Variants in XDH observed in about 807,000 individuals in gnomAD.
XDH encodes the protein xanthine dehydrogenase/oxidase.
A neutral mutation model predicts 156.1 loss-of-function variants in XDH; 138 were observed. The observed-to-expected ratio is 0.88, with a 90% CI of 0.77 to 1.02. The LOEUF is 1.02. Ranked by LOEUF, XDH falls within the 50% of genes least tolerant of loss-of-function variation. The pLI is 0.00. For synonymous variants in XDH, 669 were observed against 625.7 expected (o/e 1.07, Z -1.03); for missense variants, 1,849 against 1,684.9 (o/e 1.10, Z -1.71).
chr2:31,369,754 C>A (rs1384475510), intron 18 of XDH, among the ~76,000 whole-genome samples: 1 of 152,186 alleles, frequency 6.6e-6, no homozygotes, highest in African/African-American at 2.4e-5. Context: ...TTGTTATCTC[C>A]TTCACTTTTA....
At chr2:31,340,701 C>A (rs1362086298) in intron 33 of XDH, among the ~76,000 whole-genome samples, 1 of 152,180 alleles carries the variant, frequency 6.6e-6, no homozygotes. Context: ...AACTCCTGAT[C>A]TCAGGTGATC....
At chr2:31,373,802 T>C in intron 16 of XDH, 71 bp downstream of exon 16, 1 of 1,494,542 alleles carries the variant, frequency 6.7e-7, no homozygotes, top group Non-Finnish European at 9.3e-7. Flanking sequence ...CATTAGCCGA[T>C]GGTCAGCCAC....
intron 18 of XDH, among the ~76,000 whole-genome samples, chr2:31,369,505 A>G (rs568440732): frequency 3.3e-5 from 5 of 152,258 alleles, no homozygotes; most frequent in African/African-American, 1.2e-4. Context: ...GGAACCAACA[A>G]TTAGTATGCA....
chr2:31,381,514 A>C, intron 12 of XDH, 119 bp downstream of exon 12: 1 of 1,010,096 alleles, frequency 9.9e-7, no homozygotes, highest in African/African-American at 1.6e-5. Context: ...CCTGGATCCA[A>C]ATCACAGGGA....
chr2:31,341,378 A>G lies in XDH; in HGVS notation c.3536T>C (p.Ile1179Thr), dbSNP rs139515054. 4,974 of 1,579,390 alleles carry G rather than the reference A, an allele frequency of 3.1e-3. 7 individuals are homozygous for G. Among genetic ancestry groups the G allele is most frequent in the Non-Finnish European group, 3.9e-3 (4,488 of 1,159,768 alleles). ...TGDHKNLRTD[I>T]VMDVGSSLNP... ...TAGACTGGAGCCAACATCCATGACA[A>G]TATCTGTGCGGAGGTTCTAGAGTAG... The change falls in exon 33 of 36, where the codon ATT becomes ACT. Residue 1179 changes from isoleucine (I) to threonine (T), a missense_variant. Transcript: ENST00000379416.
intron 9 of XDH, among the ~76,000 whole-genome samples, chr2:31,384,871 T>A (rs1261032373): frequency 6.6e-6 from 1 of 152,230 alleles, no homozygotes; most frequent in African/African-American, 2.4e-5. Flanking sequence ...GTTTTCTCTT[T>A]GTCTGCCTTC....
intron 24 of XDH, among the ~76,000 whole-genome samples, chr2:31,352,551 A>G (rs1244659578): frequency 6.6e-6 from 1 of 152,140 alleles, no homozygotes; most frequent in African/African-American, 2.4e-5. Context: ...TTCCCCTGCC[A>G]TATTGTGAAT....
At position 31,347,527 on chromosome 2, in the gene XDH, C is replaced by A; in HGVS notation, c.3271G>T (p.Val1091Phe). 1.2e-6 allele frequency: 2 copies of A among 1,613,890 alleles called. No individual in the cohort carries two copies. Among genetic ancestry groups the A allele is most frequent in the Non-Finnish European group, 1.7e-6 (2 of 1,180,006 alleles). ...SVSADLNGQA[V>F]YAACQTILKR... The stretch of plus-strand genomic sequence containing the variant: ...GGATCCCATGGGCTCCTTACATAGA[C>A]GGCCTGTCCATTGAGGTCAGCGCTG... Residue 1091 changes from valine to phenylalanine, a missense_variant, in exon 29 of 36, where the codon GTC becomes TTC. Val to Phe is a conservative substitution (Grantham distance 50, BLOSUM62 -1). Transcript: ENST00000379416.
Position 31,346,827 on chromosome 2 carries a change from A to G in XDH, c.3293T>C (p.Ile1098Thr). Residue 1098 changes from isoleucine (I) to threonine (T), a missense_variant, in exon 30 of 36, where the codon ATC (isoleucine) becomes ACC (threonine). Physicochemically the swap from Ile to Thr is moderately conservative, Grantham distance 89 (BLOSUM62 -1). Transcript: ENST00000379416. ...GQAVYAACQT[I>T]LKRLEPYKKK... The stretch of plus-strand genomic sequence containing the variant: ...CTTGTAGGGTTCCAGCCTTTTCAAG[A>G]TGGTCTGACAAGCCGCCTAAAGTAA... 1 of 1,614,018 alleles carries G rather than the reference A, an allele frequency of 6.2e-7. No individual in the cohort carries two copies. The highest frequency in any genetic ancestry group is 1.3e-5 in the African/African-American group (1 of 74,970).
At chr2:31,414,529 A>C in intron 1 of XDH, 96 bp downstream of exon 1, 1 of 1,522,894 alleles carries the variant, frequency 6.6e-7, no homozygotes, top group Non-Finnish European at 9.1e-7. Context: ...GTAAGAGGGG[A>C]CAGGAAAGAC....
intron 14 of XDH, among the ~76,000 whole-genome samples, chr2:31,376,404 T>C (rs530537409): frequency 6.7e-6 from 1 of 149,410 alleles, no homozygotes; most frequent in East Asian, 1.9e-4. Context: ...GTAGTAATAG[T>C]AGCAGCAGCA....
chr2:31,363,819 T>C (rs905076785), intron 24 of XDH, among the ~76,000 whole-genome samples: 1 of 152,088 alleles, frequency 6.6e-6, no homozygotes, highest in Non-Finnish European at 1.5e-5. Flanking sequence ...TATAGTAATA[T>C]ATATTAGTAT....
At chr2:31,387,547 C>A (rs867952220) in intron 8 of XDH, among the ~76,000 whole-genome samples, 34 of 152,232 alleles carry the variant, frequency 2.2e-4, no homozygotes, top group African/African-American at 7.7e-4. Context: ...CAGTCCCTAT[C>A]CTCATGGGGC....
intron 22 of XDH, 152 bp from the exon 23 acceptor site, chr2:31,365,696 T>C (rs1685895599): frequency 1.0e-6 from 1 of 982,490 alleles, no homozygotes; most frequent in Non-Finnish European, 1.6e-6. Context: ...GGCACTGTGA[T>C]AGACAAGGTG....
chr2:31,378,269 T>C (rs1159612966), intron 13 of XDH, among the ~76,000 whole-genome samples: 4 of 151,856 alleles, frequency 2.6e-5, no homozygotes, highest in Non-Finnish European at 4.4e-5. Context: ...TTTAAACACA[T>C]TTTCCTTCCT....
intron 18 of XDH, among the ~76,000 whole-genome samples, chr2:31,369,422 C>T (rs1239641178): frequency 6.6e-6 from 1 of 152,190 alleles, no homozygotes; most frequent in Admixed American, 6.5e-5. Flanking sequence ...TGTCATCCAA[C>T]ATCCCCGAAA....
chr2:31,350,471 G>C (rs996356047), intron 24 of XDH, among the ~76,000 whole-genome samples: 1 of 142,250 alleles, frequency 7.0e-6, no homozygotes, highest in East Asian at 2.1e-4. Flanking sequence ...CCTACTCCCT[G>C]GTTCAAGCAA....
chr2:31,375,520 C>A lies in XDH; in HGVS notation c.1462G>T (p.Ala488Ser). 1 of 1,613,964 alleles carries A rather than the reference C, an allele frequency of 6.2e-7. No homozygotes were observed. Among genetic ancestry groups the A allele is most frequent in the Admixed American group, 1.7e-5 (1 of 60,030 alleles). Reference sequence around the variant, plus strand: ...AGATGCAGCTCCTCTGCCAGTCCTGCACACACGTCCTGCAGCAGCTCCTCC... The same window carrying A: ...AGATGCAGCTCCTCTGCCAGTCCTGAACACACGTCCTGCAGCAGCTCCTCC... Reference protein sequence around the residue: ...WKEELLQDVCAGLAEELHLPP... With the variant: ...WKEELLQDVCSGLAEELHLPP... Residue 488 changes from alanine to serine, a missense_variant, in exon 15 of 36, where the codon GCA becomes TCA. By Grantham distance (99) the Ala-to-Ser change is moderately conservative. Transcript: ENST00000379416.
intron 6 of XDH, among the ~76,000 whole-genome samples, chr2:31,395,519 A>AG (rs1686879091): frequency 6.6e-6 from 1 of 152,198 alleles, no homozygotes; most frequent in African/African-American, 2.4e-5. Flanking sequence ...TACCAGAAAC[A>AG]CAAGGAGATT....
Sources: allele counts gnomAD v4.1 joint callset (sites outside exome capture counted in the v4.1 genomes callset), GRCh38; gene constraint gnomAD v4.1.1; transcripts MANE v1.5; gene names NCBI Gene and HGNC (gene_info 2026-07-23, HGNC 2026-07-21).